Variants in CNTROB observed in about 807,000 individuals in gnomAD.
The protein encoded by CNTROB is centrobin.
A neutral mutation model predicts 115.7 loss-of-function variants in CNTROB; 82 were observed. The ratio of observed to expected loss-of-function variants is 0.71; its 90% CI spans 0.59 to 0.85. The LOEUF is 0.85. CNTROB is among the 40% of genes least tolerant of loss of function. The probability of loss-of-function intolerance (pLI) is 0.00; values close to 1 mark genes in which losing one functional copy is unlikely to be tolerated. For missense variants in CNTROB, 1,014 were observed against 1,144.4 expected, an observed-to-expected ratio of 0.89 and a Z score of 1.64; for synonymous variants, 439 against 456.4, an observed-to-expected ratio of 0.96 and a Z score of 0.49.
At chr17:7,936,593 G>C in intron 5 of CNTROB, 108 bp from the exon 6 acceptor site, 1 of 791,190 alleles carries the variant, frequency 1.3e-6, no homozygotes. Context: ...GCTGGGCAAG[G>C]GGTTGGTTTG....
At chr17:7,938,708 AAC>A (rs1973493305) in intron 7 of CNTROB, among the ~76,000 whole-genome samples, 1 of 152,228 alleles carries the variant, frequency 6.6e-6, no homozygotes, top group Non-Finnish European at 1.5e-5. Context: ...CTGAGATTTG[AAC>A]CCAGGTCTAC....
intron 9 of CNTROB, among the ~76,000 whole-genome samples, chr17:7,942,457 C>T (rs1426893767): frequency 1.3e-5 from 2 of 151,212 alleles, no homozygotes; most frequent in Non-Finnish European, 3.0e-5. Flanking sequence ...ATTAGCTGGG[C>T]GTGGTGGCAC....
intron 9 of CNTROB, among the ~76,000 whole-genome samples, chr17:7,941,580 C>CA (rs1973876236): frequency 8.3e-6 from 1 of 120,124 alleles, no homozygotes; most frequent in Non-Finnish European, 1.6e-5. Flanking sequence ...GCCTGGGCAA[C>CA]AGAGTGAGAC....
chr17:7,945,910 C>A lies in CNTROB; in HGVS notation c.1917C>A (p.Leu639=), dbSNP rs1974485557. 1 of 1,614,036 alleles carries A rather than the reference C, an allele frequency of 6.2e-7. No individual in the cohort carries two copies. The highest frequency in any genetic ancestry group is 1.3e-5 in the African/African-American group (1 of 74,936). ...VLCSSSSDLS[L]LLGPSFQSQH... is the part of the protein sequence containing the mutation. Reference sequence around the variant, plus strand: ...GCAGTTCCTCCTCAGATCTTAGCCTCCTGTTGGGCCCCTCTTTTCAGAGCC... The same window carrying A: ...GCAGTTCCTCCTCAGATCTTAGCCTACTGTTGGGCCCCTCTTTTCAGAGCC... Residue 639 remains leucine (L), a synonymous_variant, in exon 13 of 19, where the codon CTC becomes CTA. Coordinates refer to ENST00000563694, the MANE Select transcript of CNTROB (RefSeq NM_053051.5).
At chr17:7,934,105 A>T (rs192819708) in intron 1 of CNTROB, 33 bp from the exon 2 acceptor site, 1 of 1,576,468 alleles carries the variant, frequency 6.3e-7, no homozygotes. Context: ...GATAACACAG[A>T]CTGCATCTGA....
At position 7,932,713 on chromosome 17, in the gene CNTROB, G is replaced by T. The variant is rs1972653759; in HGVS notation, c.-367G>T. On this transcript the variant is annotated 5_prime_UTR_variant, in exon 1 of 19. Transcript: ENST00000563694. ...GGTGTGAGAACTTAAGAGCTCAGTT[G>T]ACCGGGGATAGCCTGTGCCGGAGTT... 4.7e-6 allele frequency: 1 copy of T among 212,218 alleles called. No individual in the cohort carries two copies. The highest frequency in any genetic ancestry group is 1.0e-4 in the South Asian group (1 of 9,662). The allele number at this position is 212,218 out of a possible 1,614,324, so 13.1% of individuals were successfully genotyped here.
In CNTROB at chr17:7,948,434, G is replaced by T; in HGVS notation, c.2381-53G>T. ...GAATTCCTGGGGAAATGGGCTGAGG[G>T]CTGGGGAGACAGGCCCTAGGATGAC... On this transcript the variant is annotated intron_variant, in intron 16 of 18. Coordinates refer to ENST00000563694, the MANE Select transcript of CNTROB (RefSeq NM_053051.5). This position sits in a 1 kb window ranked among gnomAD's most constrained non-coding sequence, Gnocchi z 4.4. 1 of 1,611,344 alleles carries T rather than the reference G, an allele frequency of 6.2e-7. No homozygotes were observed. The highest frequency in any genetic ancestry group is 8.5e-7 in the Non-Finnish European group (1 of 1,177,548).
Position 7,939,588 on chromosome 17 carries a change from G to A in CNTROB, c.1003G>A (p.Asp335Asn), listed in dbSNP as rs1358492516. The change falls in exon 8 of 19, where the codon GAT (aspartate) becomes AAT (asparagine). Residue 335 changes from aspartate (D) to asparagine (N), a missense_variant. Transcript: ENST00000563694. This position sits in a 1 kb window ranked among gnomAD's most constrained non-coding sequence, Gnocchi z 4.4. The stretch of plus-strand genomic sequence containing the variant: ...GTGCTGTGTCCTGCAGGAAGAGCGG[G>A]ATGCAGCTCGGGCTGGGCAACTGAG... ...QRCCVLQEER[D>N]AARAGQLSEH... The A allele has an allele frequency of 6.2e-7, 1 of 1,613,978 alleles. No individual in the cohort carries two copies. Among genetic ancestry groups the A allele is most frequent in the East Asian group, 2.2e-5 (1 of 44,888 alleles).
chr17:7,935,270 G>A (rs1973022191), intron 4 of CNTROB, 125 bp downstream of exon 4: 9 of 1,409,626 alleles, frequency 6.4e-6, no homozygotes, highest in Non-Finnish European at 8.8e-6. Flanking sequence ...TTGGGAGGCT[G>A]AGGCAGGCGG....
intron 7 of CNTROB, among the ~76,000 whole-genome samples, chr17:7,938,436 CTA>C (rs1426981789): frequency 6.6e-6 from 1 of 152,166 alleles, no homozygotes; most frequent in Non-Finnish European, 1.5e-5. Context: ...TCTTAACAGG[CTA>C]TATCTGACAG....
Position 7,944,251 on chromosome 17 carries a change from C to T in CNTROB, c.1571+3C>T. On this transcript the variant is annotated splice_donor_region_variant and intron_variant, in intron 11 of 18. Transcript: ENST00000563694. The surrounding 1 kb of genome is among the most constrained non-coding windows in gnomAD (Gnocchi z 4.0). ...GTGGCTGAGGACTACGAGCTCAGGT[C>T]CTGGTCCCCAGAGTGCCCCTTTCAG... 6.2e-7 allele frequency: 1 copy of T among 1,613,814 alleles called. No individual in the cohort carries two copies.
chr17:7,937,823 A>G (rs536689303), intron 7 of CNTROB, among the ~76,000 whole-genome samples: 2 of 152,136 alleles, frequency 1.3e-5, no homozygotes, highest in East Asian at 1.9e-4. Flanking sequence ...AATAAAAAAT[A>G]AAATAAAATA....
In CNTROB at chr17:7,933,037, C is replaced by T. The variant is rs576473338; in HGVS notation, c.-43C>T. 6.3e-7 allele frequency: 1 copy of T among 1,591,408 alleles called. No homozygotes were observed. The highest frequency in any genetic ancestry group is 1.4e-5 in the African/African-American group (1 of 74,058). On this transcript the variant is annotated 5_prime_UTR_variant, in exon 1 of 19. Coordinates refer to ENST00000563694, the MANE Select transcript of CNTROB (RefSeq NM_053051.5). ...CTCCTGGACTTTGCTAAAGCAGAAC[C>T]TCCCAGCTCTTTGCTGTCTCCGGTT...
At chr17:7,936,087 C>T in intron 4 of CNTROB, 1 of 387,622 alleles carries the variant, frequency 2.6e-6, no homozygotes, top group Non-Finnish European at 4.7e-6. Context: ...GCATCTCTGC[C>T]AAAAGGTTTA....
At chr17:7,941,686 G>A (rs972383643) in intron 9 of CNTROB, among the ~76,000 whole-genome samples, 45 of 151,592 alleles carry the variant, frequency 3.0e-4, no homozygotes, top group African/African-American at 1.1e-3. Context: ...GCATCCGGGT[G>A]TGGTGGCTCG....
chr17:7,933,071 C>T lies in CNTROB; in HGVS notation c.-9C>T. 6.2e-7 allele frequency: 1 copy of T among 1,612,880 alleles called. No individual in the cohort carries two copies. The highest frequency in any genetic ancestry group is 8.5e-7 in the Non-Finnish European group (1 of 1,179,428). ...CTTTGCTGTCTCCGGTTGTCTCTTC[C>T]CTGTATTCATGGCAACATCAGCTGA... On this transcript the variant is annotated 5_prime_UTR_variant, in exon 1 of 19. Coordinates refer to ENST00000563694, the MANE Select transcript of CNTROB (RefSeq NM_053051.5).
At chr17:7,934,619 C>A in intron 3 of CNTROB, 73 bp downstream of exon 3, 1 of 1,329,878 alleles carries the variant, frequency 7.5e-7, no homozygotes, top group Non-Finnish European at 1.1e-6. Flanking sequence ...CTTATTTCTC[C>A]CTTTATTGCT....
chr17:7,948,880 G>A lies in CNTROB; in HGVS notation c.2514-205G>A. 1 of 1,456,462 alleles carries A rather than the reference G, an allele frequency of 6.9e-7. No homozygotes were observed. Among genetic ancestry groups the A allele is most frequent in the Non-Finnish European group, 9.1e-7 (1 of 1,104,544 alleles). 90.2% of individuals were successfully genotyped at this position (1,456,462 alleles called of 1,614,324 possible). A position where few individuals can be genotyped will look rare whatever the true frequency, so the allele number is the denominator to read the frequency against. ...TCGTTTTTTTCCTCTTTACCCCTCA[G>A]CTCAAAACTCAGAATCCTAGACTTT... On this transcript the variant is annotated intron_variant, in intron 17 of 18. Coordinates refer to ENST00000563694, the MANE Select transcript of CNTROB (RefSeq NM_053051.5). The surrounding 1 kb of genome is among the most constrained non-coding windows in gnomAD (Gnocchi z 4.4).
Position 7,932,742 on chromosome 17 carries a change from C to A in CNTROB, c.-338C>A. 3.7e-6 allele frequency: 1 copy of A among 271,774 alleles called. No homozygotes were observed. The highest frequency in any genetic ancestry group is 6.9e-6 in the Non-Finnish European group (1 of 144,758). The allele number at this position is 271,774 out of a possible 1,614,324, so 16.8% of individuals were successfully genotyped here. ...GGGGATAGCCTGTGCCGGAGTTGAT[C>A]TGCAGCTTCCAGCACTCGTAGTCGG... is the stretch of plus-strand genomic sequence containing the variant. On this transcript the variant is annotated 5_prime_UTR_variant, in exon 1 of 19. The change creates a new upstream start codon in the 5' untranslated region. Transcript: ENST00000563694.
Sources: gnomAD v4.1 joint callset for allele counts (sites outside exome capture counted in the v4.1 genomes callset) on GRCh38, gnomAD v4.1.1 for gene constraint, Gnocchi (gnomAD v3.1) non-coding constraint, MANE v1.5 for transcripts, NCBI Gene and HGNC (gene_info 2026-07-23, HGNC 2026-07-21) for gene names.